Variants in CTNNBL1 observed in about 807,000 individuals in gnomAD.
The protein encoded by CTNNBL1 is catenin beta like 1.
A neutral mutation model predicts 72.7 loss-of-function variants in CTNNBL1; 31 were observed. The ratio of observed to expected loss-of-function variants is 0.43; its 90% CI spans 0.32 to 0.58. The LOEUF is 0.58. Ranked by LOEUF, CTNNBL1 falls within the 20% of genes least tolerant of loss-of-function variation. The probability of loss-of-function intolerance (pLI) is 0.08; values close to 1 mark genes in which losing one functional copy is unlikely to be tolerated. For synonymous variants in CTNNBL1, 240 were observed against 267.3 expected, an observed-to-expected ratio of 0.90 and a Z score of 1.00; for missense variants, 534 against 725.1, an observed-to-expected ratio of 0.74 and a Z score of 3.03.
Position 37,860,055 on chromosome 20 carries a change from G to A in CTNNBL1, c.1530+19G>A. The A allele has an allele frequency of 6.2e-7, 1 of 1,613,480 alleles. No homozygotes were observed. The highest frequency in any genetic ancestry group is 1.1e-5 in the South Asian group (1 of 90,984). On this transcript the variant is annotated intron_variant, in intron 14 of 15. Transcript: ENST00000361383. ...CCCCCAGGTAGGAGGGTCTTCCCCT[G>A]GATGGGCTTATCCATCCCTGCCTCC...
chr20:37,809,643 C>G (rs1024726119), intron 11 of CTNNBL1, among the ~76,000 whole-genome samples: 4 of 152,238 alleles, frequency 2.6e-5, no homozygotes, highest in Non-Finnish European at 5.9e-5. Context: ...CTAGCCTGCT[C>G]TTCTCTGAAT....
intron 1 of CTNNBL1, among the ~76,000 whole-genome samples, chr20:37,725,854 C>T (rs1407822534): frequency 6.6e-6 from 1 of 151,902 alleles, no homozygotes; most frequent in Non-Finnish European, 1.5e-5. Flanking sequence ...TGTGCTGGCA[C>T]GTGCCTGTAG....
intron 13 of CTNNBL1, among the ~76,000 whole-genome samples, chr20:37,854,866 C>T (rs1212219131): frequency 2.6e-5 from 4 of 151,890 alleles, no homozygotes; most frequent in Admixed American, 2.6e-4. Context: ...TAGGATTACA[C>T]GTGTGAGCCA....
rs1482350673 is a variant in CTNNBL1 at position 37,842,407 on chromosome 20, AG to A, written c.1384del (p.Glu462LysfsTer58). 1 of 1,613,158 alleles carries A rather than the reference AG, an allele frequency of 6.2e-7. No individual in the cohort carries two copies. The highest frequency in any genetic ancestry group is 1.7e-5 in the Admixed American group (1 of 60,006). On this transcript the variant is annotated frameshift_variant, in exon 13 of 16. Coordinates refer to ENST00000361383, the MANE Select transcript of CTNNBL1 (RefSeq NM_030877.5). LOFTEE classifies it high-confidence loss of function. ...TGCAGGTGGCGGACAAGAAGATTGAAGGGGAAAAACACGTATGTATCCCTGC... is the reference window on the plus strand; with the variant it reads ...TGCAGGTGGCGGACAAGAAGATTGAAGGGAAAAACACGTATGTATCCCTGC... ...AMQVADKKIE[G>X]EKHDMVRRGE...
At chr20:37,869,703 G>A (rs972342809) in intron 15 of CTNNBL1, among the ~76,000 whole-genome samples, 2 of 152,330 alleles carry the variant, frequency 1.3e-5, no homozygotes, top group South Asian at 4.1e-4. Flanking sequence ...GAGGGGACCC[G>A]GAGGAGGTGT....
At chr20:37,864,083 G>A (rs771396220) in intron 15 of CTNNBL1, among the ~76,000 whole-genome samples, 1 of 152,090 alleles carries the variant, frequency 6.6e-6, no homozygotes. Flanking sequence ...AGAGGGTGGT[G>A]CTGAGGTTGA....
chr20:37,763,486 G>A (rs1319536774), intron 5 of CTNNBL1, among the ~76,000 whole-genome samples: 1 of 152,130 alleles, frequency 6.6e-6, no homozygotes, highest in African/African-American at 2.4e-5. Flanking sequence ...TGTGATTCAG[G>A]TATCACAAAT....
At chr20:37,759,538 T>A (rs1344639282) in intron 5 of CTNNBL1, among the ~76,000 whole-genome samples, 1 of 152,202 alleles carries the variant, frequency 6.6e-6, no homozygotes, top group African/African-American at 2.4e-5. Context: ...ATTTTATTGT[T>A]TGTTTGGAAA....
At position 37,765,298 on chromosome 20, in the gene CTNNBL1, G is replaced by C. The variant is rs781389055; in HGVS notation, c.658+8G>C. On this transcript the variant is annotated splice_region_variant and intron_variant, in intron 6 of 15. Transcript: ENST00000361383. Reference sequence around the variant, plus strand: ...GCGTCCACAACACTCTGGGTGAGAGGAAGGGTGCTTGCCATTGCCTGAGTT... The same window carrying C: ...GCGTCCACAACACTCTGGGTGAGAGCAAGGGTGCTTGCCATTGCCTGAGTT... 2 of 1,533,622 alleles carry C rather than the reference G, an allele frequency of 1.3e-6. No individual in the cohort carries two copies. Among genetic ancestry groups the C allele is most frequent in the African/African-American group, 2.8e-5 (2 of 72,692 alleles).
chr20:37,760,453 C>G lies in CTNNBL1; in HGVS notation c.564+2797C>G, dbSNP rs2073406208. 4.6e-5 allele frequency among the ~76,000 whole-genome samples: 7 copies of G among 152,174 alleles called. No individual in the cohort carries two copies. The South Asian group carries it at 1.5e-3, about 32-fold the overall frequency. ...GTTTTTTCCAGACTCATCACCTCAG[C>G]AGGATGTGTTGTTCTAGCACTTTGT... is the stretch of plus-strand genomic sequence containing the variant. On this transcript the variant is annotated intron_variant, in intron 5 of 15. Transcript: ENST00000361383.
At chr20:37,798,117 T>C (rs996586629) in intron 10 of CTNNBL1, among the ~76,000 whole-genome samples, 1 of 152,202 alleles carries the variant, frequency 6.6e-6, no homozygotes, top group African/African-American at 2.4e-5. Flanking sequence ...CCAGACTCCT[T>C]GGAAGCAATG....
At chr20:37,705,416 G>A (rs934070363) in intron 1 of CTNNBL1, among the ~76,000 whole-genome samples, 3 of 152,070 alleles carry the variant, frequency 2.0e-5, no homozygotes, top group Admixed American at 6.5e-5. Flanking sequence ...ATTAATTTTC[G>A]TTATTTATCT....
intron 13 of CTNNBL1, among the ~76,000 whole-genome samples, chr20:37,853,647 C>T (rs2072415211): frequency 6.6e-6 from 1 of 152,252 alleles, no homozygotes; most frequent in Non-Finnish European, 1.5e-5. Flanking sequence ...GAAGTTGACA[C>T]TGTCTGTATG....
intron 1 of CTNNBL1, among the ~76,000 whole-genome samples, chr20:37,715,311 G>C (rs1056098817): frequency 4.6e-5 from 7 of 152,136 alleles, no homozygotes; most frequent in Non-Finnish European, 8.8e-5. Flanking sequence ...CCACACTTTG[G>C]CTTCCTTACT....
intron 11 of CTNNBL1, among the ~76,000 whole-genome samples, chr20:37,828,743 G>A (rs2072182434): frequency 6.6e-6 from 1 of 152,202 alleles, no homozygotes. Context: ...CCGTGTATGT[G>A]TAAAAGGGGC....
intron 1 of CTNNBL1, among the ~76,000 whole-genome samples, chr20:37,718,386 G>C (rs2073009556): frequency 1.5e-5 from 2 of 132,302 alleles, no homozygotes; most frequent in African/African-American, 3.1e-5. Flanking sequence ...CTCACCTCCG[G>C]GACGGGGCGG....
At chr20:37,791,047 A>G (rs529006478) in intron 10 of CTNNBL1, among the ~76,000 whole-genome samples, 1 of 152,210 alleles carries the variant, frequency 6.6e-6, no homozygotes, top group African/African-American at 2.4e-5. Context: ...TATTTCACTC[A>G]CTGTAATTAT....
intron 11 of CTNNBL1, among the ~76,000 whole-genome samples, chr20:37,803,815 T>C (rs2071927808): frequency 6.6e-6 from 1 of 151,820 alleles, no homozygotes; most frequent in Non-Finnish European, 1.5e-5. Flanking sequence ...GACTGGCTCA[T>C]TTGGCTGTTT....
intron 4 of CTNNBL1, among the ~76,000 whole-genome samples, chr20:37,746,950 A>G (rs911803306): frequency 5.3e-5 from 8 of 152,264 alleles, no homozygotes; most frequent in Non-Finnish European, 7.3e-5. Context: ...ACAGATTTGA[A>G]TGTGTAAATC....
Sources: allele counts gnomAD v4.1 joint callset (sites outside exome capture counted in the v4.1 genomes callset), GRCh38; gene constraint gnomAD v4.1.1; transcripts MANE v1.5; gene names NCBI Gene and HGNC (gene_info 2026-07-23, HGNC 2026-07-21).